The following IFT43 variants were observed in gnomAD, a reference collection of about 807,000 sequenced individuals.
The protein encoded by IFT43 is intraflagellar transport protein 43 homolog.
Under a neutral mutation model 32.3 loss-of-function variants are expected in IFT43, and 33 were observed. The ratio of observed to expected loss-of-function variants is 1.02; its 90% CI spans 0.77 to 1.37. The LOEUF (loss-of-function observed/expected upper bound fraction) is 1.37. Among genes scored for constraint, IFT43 ranks in the 40% most tolerant of loss-of-function variants. The probability of loss-of-function intolerance (pLI) is 0.00; values close to 1 mark genes in which losing one functional copy is unlikely to be tolerated. For missense variants in IFT43, 274 were observed against 265.9 expected (o/e 1.03, Z -0.21); for synonymous variants, 93 against 98.2 (o/e 0.95, Z 0.31).
At chr14:76,008,253 T>C (rs2036015065) in intron 2 of IFT43, among the ~76,000 whole-genome samples, 1 of 152,150 alleles carries the variant, frequency 6.6e-6, no homozygotes, top group Non-Finnish European at 1.5e-5. Flanking sequence ...TAGAATGAAA[T>C]ATGTGCAAGG....
At chr14:76,008,074 A>T (rs1197574628) in intron 2 of IFT43, among the ~76,000 whole-genome samples, 1 of 152,116 alleles carries the variant, frequency 6.6e-6, no homozygotes, top group Non-Finnish European at 1.5e-5. Context: ...GTTATGTGTG[A>T]ACATTTGGGA....
intron 2 of IFT43, among the ~76,000 whole-genome samples, chr14:76,019,960 A>G (rs989928228): frequency 3.4e-5 from 5 of 148,248 alleles, no homozygotes; most frequent in Non-Finnish European, 7.4e-5. Context: ...ATCATGAATC[A>G]TTTTTCTGAT....
chr14:76,016,801 T>C (rs907097207), intron 2 of IFT43, among the ~76,000 whole-genome samples: 1 of 152,190 alleles, frequency 6.6e-6, no homozygotes, highest in Non-Finnish European at 1.5e-5. Context: ...GTATTTTTTT[T>C]GTAGCTATTA....
At chr14:76,051,352 A>G (rs1028072039) in intron 3 of IFT43, among the ~76,000 whole-genome samples, 1 of 151,484 alleles carries the variant, frequency 6.6e-6, no homozygotes, top group African/African-American at 2.4e-5. Context: ...AGTTCATGAG[A>G]AATATCTAGC....
At chr14:76,061,259 C>T (rs1305605479) in intron 5 of IFT43, among the ~76,000 whole-genome samples, 2 of 152,162 alleles carry the variant, frequency 1.3e-5, no homozygotes, top group African/African-American at 4.8e-5. Context: ...CCCCTATCTG[C>T]TTTTAAGATT....
intron 5 of IFT43, among the ~76,000 whole-genome samples, chr14:76,071,166 C>G (rs892850016): frequency 6.6e-6 from 1 of 152,172 alleles, no homozygotes; most frequent in Admixed American, 6.5e-5. Flanking sequence ...TTGGTGCTTA[C>G]TGGTCCAAGG....
At chr14:76,026,665 G>T (rs1348859185) in intron 3 of IFT43, among the ~76,000 whole-genome samples, 1 of 151,928 alleles carries the variant, frequency 6.6e-6, no homozygotes, top group Non-Finnish European at 1.5e-5. Flanking sequence ...CATTGTGGAA[G>T]ACAGTGTGGT....
intron 5 of IFT43, chr14:76,076,766 G>T (rs191502333): frequency 6.6e-7 from 1 of 1,516,214 alleles, no homozygotes. Flanking sequence ...TAGCATTTTA[G>T]TGTGCGCATG....
intron 2 of IFT43, among the ~76,000 whole-genome samples, chr14:75,996,780 C>A (rs1312600679): frequency 3.3e-5 from 5 of 152,146 alleles, no homozygotes; most frequent in Non-Finnish European, 5.9e-5. Context: ...GTTCTGGGGG[C>A]AGATGAGTAG....
At chr14:76,066,715 C>T (rs1238590308) in intron 5 of IFT43, among the ~76,000 whole-genome samples, 1 of 152,210 alleles carries the variant, frequency 6.6e-6, no homozygotes, top group East Asian at 1.9e-4. Flanking sequence ...AAATCACATC[C>T]AGGCTCTTTG....
intron 5 of IFT43, among the ~76,000 whole-genome samples, chr14:76,073,467 G>T (rs1048721598): frequency 6.6e-6 from 1 of 152,212 alleles, no homozygotes; most frequent in African/African-American, 2.4e-5. Context: ...TGGGGAAGAG[G>T]TAATAGGGAA....
chr14:76,039,320 G>A lies in IFT43; in HGVS notation c.215+16926G>A, dbSNP rs547271317. Among the ~76,000 whole-genome samples the A allele has an allele frequency of 2.0e-3, 300 of 152,148 alleles. 2 individuals carry two copies. Among genetic ancestry groups the A allele is most frequent in the Middle Eastern group, 6.8e-3 (2 of 294 alleles). ...ACTACAGGCGTGTGCCACCATACTC[G>A]CCACGTTTTTAAATTTTTTGTAGAG... On this transcript the variant is annotated intron_variant, in intron 3 of 8. Transcript: ENST00000314067.
intron 2 of IFT43, among the ~76,000 whole-genome samples, chr14:75,999,713 G>A (rs993571067): frequency 2.6e-5 from 4 of 152,162 alleles, no homozygotes; most frequent in African/African-American, 9.7e-5. Flanking sequence ...TTGCTAATGA[G>A]CAAGGAGGGC....
chr14:76,068,864 A>G (rs1293841651), intron 5 of IFT43, among the ~76,000 whole-genome samples: 3 of 152,218 alleles, frequency 2.0e-5, no homozygotes, highest in Non-Finnish European at 4.4e-5. Flanking sequence ...GGGGCTAAGC[A>G]TGGGGACGTG....
intron 3 of IFT43, among the ~76,000 whole-genome samples, chr14:76,038,392 G>A (rs538843263): frequency 2.6e-5 from 4 of 152,186 alleles, no homozygotes; most frequent in East Asian, 1.9e-4. Flanking sequence ...TTTCTTTCAC[G>A]TGCCTTCCAA....
chr14:76,036,406 T>C (rs1294911984), intron 3 of IFT43, among the ~76,000 whole-genome samples: 1 of 137,510 alleles, frequency 7.3e-6, no homozygotes, highest in Non-Finnish European at 1.6e-5. Flanking sequence ...CTTTCTGTCT[T>C]TCTTTTTTTT....
chr14:76,057,695 T>C (rs1345894300), intron 3 of IFT43, among the ~76,000 whole-genome samples: 1 of 152,204 alleles, frequency 6.6e-6, no homozygotes. Flanking sequence ...ACATCCTGCC[T>C]CCAGGCCATT....
chr14:76,029,816 C>T (rs2036471511), intron 3 of IFT43, among the ~76,000 whole-genome samples: 1 of 150,170 alleles, frequency 6.7e-6, no homozygotes, highest in South Asian at 2.1e-4. Flanking sequence ...GTTCCATTGG[C>T]CTCTGTGCCT....
intron 5 of IFT43, among the ~76,000 whole-genome samples, chr14:76,068,101 G>A (rs1473345842): frequency 6.6e-6 from 1 of 152,186 alleles, no homozygotes; most frequent in Non-Finnish European, 1.5e-5. Context: ...GCAGCAAATG[G>A]TCATTCCTGT....
Sources: gnomAD v4.1 joint callset for allele counts (sites outside exome capture counted in the v4.1 genomes callset) on GRCh38, gnomAD v4.1.1 for gene constraint, MANE v1.5 for transcripts, NCBI Gene and HGNC (gene_info 2026-07-23, HGNC 2026-07-21) for gene names.